Variants in LRRTM4 observed in about 807,000 individuals in gnomAD.
The protein encoded by LRRTM4 is leucine rich repeat transmembrane neuronal 4.
In LRRTM4, 25 loss-of-function variants were observed where a neutral mutation model predicts 47.6. The observed-to-expected ratio is 0.53, with a 90% CI of 0.38 to 0.73. The LOEUF (loss-of-function observed/expected upper bound fraction) is 0.73, where lower values mean the gene tolerates loss of function less well. LRRTM4 is among the 30% of genes least tolerant of loss of function. The pLI, the probability that LRRTM4 is intolerant of heterozygous loss-of-function variation, is 0.00. For synonymous variants in LRRTM4, 311 were observed against 269.5 expected (o/e 1.15, Z -1.51); for missense variants, 638 against 713.4 (o/e 0.89, Z 1.20).
chr2:76,954,739 CGAT>C (rs1266575064), intron 3 of LRRTM4, among the ~76,000 whole-genome samples: 2 of 151,542 alleles, frequency 1.3e-5, no homozygotes, highest in Non-Finnish European at 2.9e-5. Flanking sequence ...CTGATATACG[CGAT>C]AATAAAATTA....
At chr2:76,849,690 T>C (rs1332450106) in intron 3 of LRRTM4, among the ~76,000 whole-genome samples, 4 of 152,128 alleles carry the variant, frequency 2.6e-5, no homozygotes, top group African/African-American at 9.7e-5. Flanking sequence ...ATAATTTTCA[T>C]AGCAAGTCAA....
At chr2:77,138,288 C>G (rs1292861754) in intron 3 of LRRTM4, among the ~76,000 whole-genome samples, 5 of 152,164 alleles carry the variant, frequency 3.3e-5, no homozygotes. Context: ...GACCACAGTG[C>G]AATCAAACTA....
intron 3 of LRRTM4, among the ~76,000 whole-genome samples, chr2:76,844,291 C>T (rs973653451): frequency 2.0e-5 from 3 of 151,336 alleles, no homozygotes; most frequent in Non-Finnish European, 2.9e-5. Flanking sequence ...CATGCCACCA[C>T]GCCCGGCTAA....
intron 3 of LRRTM4, among the ~76,000 whole-genome samples, chr2:77,127,349 A>G (rs1671675120): frequency 6.6e-6 from 1 of 152,220 alleles, no homozygotes; most frequent in Non-Finnish European, 1.5e-5. Context: ...CAGGGAATAA[A>G]TTAATTTAAA....
Position 77,039,366 on chromosome 2 carries a change from T to C in LRRTM4, c.1552-290450A>G, listed in dbSNP as rs1453225170. Among the ~76,000 whole-genome samples, 5 of 150,654 alleles carry C rather than the reference T, an allele frequency of 3.3e-5. No homozygotes were observed. The Admixed American group carries it at 3.3e-4, about 10-fold the overall frequency. On this transcript the variant is annotated intron_variant, in intron 3 of 3. Coordinates refer to ENST00000409884, the MANE Select transcript of LRRTM4 (RefSeq NM_001134745.3). ...AATGAAGGCAAATCAGATGATAATA[T>C]GAACAGAGATACAGGTATATTTGTT...
At chr2:77,018,706 A>G (rs752455097) in intron 3 of LRRTM4, among the ~76,000 whole-genome samples, 3 of 152,152 alleles carry the variant, frequency 2.0e-5, no homozygotes, top group Non-Finnish European at 4.4e-5. Context: ...GTTTACCACA[A>G]CTCAGAAAAC....
chr2:77,519,165 T>C lies in LRRTM4; in HGVS notation c.704A>G (p.Tyr235Cys), dbSNP rs1418055370. 1.9e-6 allele frequency: 3 copies of C among 1,613,094 alleles called. No individual in the cohort carries two copies. Among genetic ancestry groups the C allele is most frequent in the South Asian group, 2.2e-5 (2 of 91,070 alleles). Residue 235 changes from tyrosine (Y) to cysteine (C), a missense_variant, in exon 3 of 4, where the codon TAC (tyrosine) becomes TGC (cysteine). Transcript: ENST00000409884. The surrounding 1 kb of genome is among the most constrained non-coding windows in gnomAD (Gnocchi z 4.6). ...FPRLFNLRSIYLQWNRIRSIS... is the reference protein window; with the variant it reads ...FPRLFNLRSICLQWNRIRSIS... ...GGAGCGAATCCTGTTCCATTGTAAG[T>C]AAATTGAGCGGAGGTTGAAGAGACG...
intron 3 of LRRTM4, among the ~76,000 whole-genome samples, chr2:77,065,333 T>C (rs1241615721): frequency 6.6e-6 from 1 of 152,196 alleles, no homozygotes; most frequent in Non-Finnish European, 1.5e-5. Flanking sequence ...CATACAGTCC[T>C]TGCCCTCAGA....
At chr2:77,010,235 GTATT>G (rs2104063043) in intron 3 of LRRTM4, among the ~76,000 whole-genome samples, 1 of 151,966 alleles carries the variant, frequency 6.6e-6, no homozygotes, top group Non-Finnish European at 1.5e-5. Flanking sequence ...TTTTTGGAAT[GTATT>G]TATTGTGTGT....
At chr2:77,229,132 C>A (rs1289592688) in intron 3 of LRRTM4, among the ~76,000 whole-genome samples, 1 of 152,198 alleles carries the variant, frequency 6.6e-6, no homozygotes, top group East Asian at 1.9e-4. Context: ...CAAAATATCA[C>A]ATTCTTGTTT....
chr2:77,317,562 A>C (rs1282669350), intron 3 of LRRTM4, among the ~76,000 whole-genome samples: 1 of 152,162 alleles, frequency 6.6e-6, no homozygotes, highest in Non-Finnish European at 1.5e-5. Context: ...GTAAACACTA[A>C]ATAGAAATTT....
intron 3 of LRRTM4, among the ~76,000 whole-genome samples, chr2:77,397,088 A>G (rs1014430477): frequency 6.6e-6 from 1 of 151,912 alleles, no homozygotes; most frequent in Non-Finnish European, 1.5e-5. Context: ...AATAATATAT[A>G]CAATTTCAAC....
At chr2:77,003,153 A>T (rs959595004) in intron 3 of LRRTM4, among the ~76,000 whole-genome samples, 2 of 147,702 alleles carry the variant, frequency 1.4e-5, no homozygotes, top group Admixed American at 6.8e-5. Flanking sequence ...CTTATTCTGT[A>T]ACTTCAGCTT....
chr2:77,147,700 T>G (rs1231902550), intron 3 of LRRTM4, among the ~76,000 whole-genome samples: 1 of 152,068 alleles, frequency 6.6e-6, no homozygotes, highest in Non-Finnish European at 1.5e-5. Flanking sequence ...CATTTAAAAC[T>G]CCCCCTTGGA....
At chr2:77,394,151 G>A (rs1673609676) in intron 3 of LRRTM4, among the ~76,000 whole-genome samples, 1 of 151,618 alleles carries the variant, frequency 6.6e-6, no homozygotes. Flanking sequence ...CACAGAATAA[G>A]CAAATTACAG....
intron 3 of LRRTM4, among the ~76,000 whole-genome samples, chr2:77,462,054 C>T (rs1441746718): frequency 6.6e-6 from 1 of 152,034 alleles, no homozygotes; most frequent in African/African-American, 2.4e-5. Context: ...TAGTAATATA[C>T]TCATTTAACC....
intron 3 of LRRTM4, among the ~76,000 whole-genome samples, chr2:76,836,888 G>C (rs916354632): frequency 1.3e-5 from 2 of 152,094 alleles, no homozygotes; most frequent in African/African-American, 4.8e-5. Flanking sequence ...AAATTGGTTT[G>C]TCTTTTCCCT....
chr2:77,319,577 C>A (rs575975801), intron 3 of LRRTM4, among the ~76,000 whole-genome samples: 1 of 152,164 alleles, frequency 6.6e-6, no homozygotes, highest in Non-Finnish European at 1.5e-5. Context: ...TCAGCTTATC[C>A]TTATGTCCCC....
chr2:77,506,237 GA>G (rs1337301383), intron 3 of LRRTM4, among the ~76,000 whole-genome samples: 1 of 151,270 alleles, frequency 6.6e-6, no homozygotes, highest in African/African-American at 2.4e-5. Context: ...ATTTTAGCAG[GA>G]AAAAAACAAG....
Sources: gnomAD v4.1 joint callset for allele counts (sites outside exome capture counted in the v4.1 genomes callset) on GRCh38, gnomAD v4.1.1 for gene constraint, Gnocchi (gnomAD v3.1) non-coding constraint, MANE v1.5 for transcripts, NCBI Gene and HGNC (gene_info 2026-07-23, HGNC 2026-07-21) for gene names.